Variants in IQSEC1 observed in about 807,000 individuals in gnomAD.
The protein encoded by IQSEC1 is IQ motif and SEC7 domain-containing protein 1.
Under a neutral mutation model 91.0 loss-of-function variants are expected in IQSEC1, and 31 were observed. That is an observed-to-expected ratio of 0.34 (90% CI 0.26 to 0.46). The LOEUF (loss-of-function observed/expected upper bound fraction) is 0.46. IQSEC1 is among the 20% of genes least tolerant of loss of function. The probability of loss-of-function intolerance (pLI) is 1.00; values close to 1 mark genes in which losing one functional copy is unlikely to be tolerated. For synonymous variants in IQSEC1, 699 were observed against 662.6 expected, an observed-to-expected ratio of 1.05 and a Z score of -0.84; for missense variants, 1,388 against 1,575.6, an observed-to-expected ratio of 0.88 and a Z score of 2.02.
chr3:13,238,290 C>T (rs1454958680), intron 1 of IQSEC1, among the ~76,000 whole-genome samples: 1 of 152,206 alleles, frequency 6.6e-6, no homozygotes, highest in Non-Finnish European at 1.5e-5. Context: ...TCCCTGAGTC[C>T]AGACCACGCA....
intron 1 of IQSEC1, among the ~76,000 whole-genome samples, chr3:13,054,007 G>A (rs995876523): frequency 2.0e-5 from 3 of 152,134 alleles, no homozygotes; most frequent in Admixed American, 1.3e-4. Context: ...TCCACTCTGC[G>A]AAACACTTTC....
chr3:13,123,482 T>G (rs7653401), intron 2 of IQSEC1, among the ~76,000 whole-genome samples: 75,328 of 152,046 alleles, frequency 0.5, 20,074 homozygotes, highest in African/African-American at 0.7. Context: ...CTTACATGTG[T>G]ATGTGGAGGG....
At chr3:13,093,194 C>T (rs1219583007) in intron 2 of IQSEC1, among the ~76,000 whole-genome samples, 2 of 149,534 alleles carry the variant, frequency 1.3e-5, no homozygotes, top group African/African-American at 5.0e-5. Flanking sequence ...TACAGAGAGG[C>T]ATTAAGAGCA....
At chr3:13,119,605 A>C (rs1194477394) in intron 2 of IQSEC1, among the ~76,000 whole-genome samples, 1 of 152,202 alleles carries the variant, frequency 6.6e-6, no homozygotes, top group Non-Finnish European at 1.5e-5. Context: ...ATAAAACTTG[A>C]AATCTTTCAT....
chr3:13,165,073 T>C (rs1377886228), intron 1 of IQSEC1, among the ~76,000 whole-genome samples: 1 of 152,118 alleles, frequency 6.6e-6, no homozygotes, highest in Non-Finnish European at 1.5e-5. Context: ...TGCCCACAGA[T>C]TCAGACCCGG....
At chr3:13,029,200 A>G (rs921404691) in intron 1 of IQSEC1, among the ~76,000 whole-genome samples, 2 of 152,200 alleles carry the variant, frequency 1.3e-5, no homozygotes, top group African/African-American at 4.8e-5. Context: ...ACACAACAAG[A>G]ACGGTGATAC....
intron 1 of IQSEC1, among the ~76,000 whole-genome samples, chr3:13,064,126 T>C (rs1313739684): frequency 6.6e-6 from 1 of 152,032 alleles, no homozygotes; most frequent in African/African-American, 2.4e-5. Flanking sequence ...TGTCCTCCCA[T>C]CTTAGGTAGC....
intron 2 of IQSEC1, among the ~76,000 whole-genome samples, chr3:13,162,242 T>C (rs950935649): frequency 2.0e-5 from 3 of 152,198 alleles, no homozygotes; most frequent in Non-Finnish European, 4.4e-5. Context: ...AGCAGCTGCC[T>C]TCTTGGAAGA....
chr3:12,980,418 G>T (rs927485627), intron 1 of IQSEC1, among the ~76,000 whole-genome samples: 4 of 152,216 alleles, frequency 2.6e-5, no homozygotes, highest in Non-Finnish European at 5.9e-5. Flanking sequence ...GATCCATGAT[G>T]AGCATCCCTC....
intron 2 of IQSEC1, among the ~76,000 whole-genome samples, chr3:13,094,126 G>A (rs1471659617): frequency 6.6e-6 from 1 of 152,182 alleles, no homozygotes; most frequent in Non-Finnish European, 1.5e-5. Context: ...AGAGAGAACC[G>A]TGACATCCGA....
intron 1 of IQSEC1, among the ~76,000 whole-genome samples, chr3:13,225,753 T>A (rs1231888465): frequency 1.3e-5 from 2 of 152,156 alleles, no homozygotes; most frequent in Non-Finnish European, 2.9e-5. Context: ...AGGAAGGAGA[T>A]AAGTTAACCC....
rs761756479 is a variant in IQSEC1 at position 12,922,227 on chromosome 3, C to T, written c.1746G>A (p.Glu582=). The part of the protein sequence containing the change: ...NRDVLDCVVD[E]MDFSTMELDE... The stretch of plus-strand genomic sequence containing the variant: ...CCAGCTCCATGGTAGAGAAGTCCAT[C>T]TCGTCCACGACGCAGCTGGAATAGA... The change falls in exon 5 of 14, where the codon GAG becomes GAA. Residue 582 remains glutamate, a synonymous_variant. Transcript: ENST00000613206. The surrounding 1 kb of genome is among the most constrained non-coding windows in gnomAD (Gnocchi z 5.1). 39 of 1,597,300 alleles carry T rather than the reference C, an allele frequency of 2.4e-5. No homozygotes were observed. The highest frequency in any genetic ancestry group is 1.9e-5 in the Non-Finnish European group (22 of 1,168,534).
chr3:13,140,000 C>A (rs1706774394), intron 2 of IQSEC1, among the ~76,000 whole-genome samples: 1 of 152,204 alleles, frequency 6.6e-6, no homozygotes, highest in African/African-American at 2.4e-5. Context: ...GTGTTGGAGG[C>A]TCACTCTGCT....
At chr3:12,923,641 C>CA (rs56403600) in intron 4 of IQSEC1, among the ~76,000 whole-genome samples, 16,198 of 152,188 alleles carry the variant, frequency 0.11, 1,053 homozygotes, top group South Asian at 0.21. Flanking sequence ...GCCTTGGTTT[C>CA]CCCACCCATG....
intron 2 of IQSEC1, among the ~76,000 whole-genome samples, chr3:13,111,984 C>T (rs1706254546): frequency 6.6e-6 from 1 of 152,128 alleles, no homozygotes; most frequent in Non-Finnish European, 1.5e-5. Context: ...CCTGGACAGC[C>T]CTCCCATCTC....
At chr3:13,199,078 A>G (rs936418807) in intron 1 of IQSEC1, among the ~76,000 whole-genome samples, 2 of 152,192 alleles carry the variant, frequency 1.3e-5, no homozygotes, top group East Asian at 3.9e-4. Flanking sequence ...ATTCAGCCAC[A>G]TGCATGGCAC....
chr3:13,090,815 A>G (rs111274661), intron 2 of IQSEC1, among the ~76,000 whole-genome samples: 8 of 152,190 alleles, frequency 5.3e-5, no homozygotes, highest in Non-Finnish European at 1.2e-4. Flanking sequence ...GAGATTTTAG[A>G]CTTCGATCCT....
chr3:13,072,158 T>C (rs758115734), intron 1 of IQSEC1, among the ~76,000 whole-genome samples: 1 of 152,248 alleles, frequency 6.6e-6, no homozygotes, highest in African/African-American at 2.4e-5. Flanking sequence ...CTGAGGTCAC[T>C]GCACAGCCCC....
intron 2 of IQSEC1, among the ~76,000 whole-genome samples, chr3:13,156,334 T>A (rs1441247000): frequency 6.6e-6 from 1 of 152,084 alleles, no homozygotes. Flanking sequence ...ATACAAAAAA[T>A]CCACAGCTAA....
Sources: gnomAD v4.1 joint callset for allele counts (sites outside exome capture counted in the v4.1 genomes callset) on GRCh38, gnomAD v4.1.1 for gene constraint, Gnocchi (gnomAD v3.1) non-coding constraint, MANE v1.5 for transcripts, NCBI Gene and HGNC (gene_info 2026-07-23, HGNC 2026-07-21) for gene names.